The following XKR4 variants were observed in gnomAD, a reference collection of about 807,000 sequenced individuals.
XKR4 encodes XK related 4, also known as XK-related protein 4.
In XKR4, 12 loss-of-function variants were observed where a neutral mutation model predicts 53.9. The observed-to-expected ratio is 0.22, with a 90% CI of 0.14 to 0.36. XKR4 has a LOEUF of 0.36. Ranked by LOEUF, XKR4 falls within the 10% of genes least tolerant of loss-of-function variation. The pLI, the probability that XKR4 is intolerant of heterozygous loss-of-function variation, is 1.00. For missense variants in XKR4, 799 were observed against 859.5 expected (o/e 0.93, Z 0.88); for synonymous variants, 354 against 362.4 (o/e 0.98, Z 0.26).
chr8:55,495,723 G>A (rs572764678), intron 2 of XKR4, among the ~76,000 whole-genome samples: 23 of 152,328 alleles, frequency 1.5e-4, no homozygotes, highest in Admixed American at 2.0e-4. Flanking sequence ...ACCCAGCTGC[G>A]AGAGGTTGGA....
At chr8:55,323,467 C>T (rs551653661) in intron 1 of XKR4, among the ~76,000 whole-genome samples, 1 of 152,232 alleles carries the variant, frequency 6.6e-6, no homozygotes, top group Admixed American at 6.5e-5. Flanking sequence ...TTGAGACAGG[C>T]TTTTTTCACT....
intron 2 of XKR4, among the ~76,000 whole-genome samples, chr8:55,493,497 C>A (rs1417427981): frequency 6.6e-6 from 1 of 152,204 alleles, no homozygotes; most frequent in Non-Finnish European, 1.5e-5. Context: ...AACAAGGAAT[C>A]CCAACTGAGC....
rs766219761 is a variant in XKR4 at position 55,103,049 on chromosome 8, G to A, written c.561G>A (p.Gln187=). Residue 187 remains glutamine, a synonymous_variant, in exon 1 of 3, where the codon CAG becomes CAA. Coordinates refer to ENST00000327381, the MANE Select transcript of XKR4 (RefSeq NM_052898.2). ...ATAAAASSCP[Q]PGADCKTVVG... is the part of the protein sequence containing the mutation. ...CCGCTGCTGCCTCCAGCTGCCCGCA[G>A]CCTGGAGCCGATTGCAAGACGGTGG... 1 of 1,612,660 alleles carries A rather than the reference G, an allele frequency of 6.2e-7. No individual in the cohort carries two copies. The highest frequency in any genetic ancestry group is 8.5e-7 in the Non-Finnish European group (1 of 1,179,774).
intron 2 of XKR4, among the ~76,000 whole-genome samples, chr8:55,393,570 G>T (rs1381588295): frequency 2.0e-5 from 3 of 152,270 alleles, no homozygotes; most frequent in Non-Finnish European, 4.4e-5. Flanking sequence ...TGTTTGGTTT[G>T]AAATCTTAGT....
rs140925053 is a variant in XKR4, at chr8:55,451,152, G to A, written c.1007-72129G>A. On this transcript the variant is annotated intron_variant, in intron 2 of 2. Transcript: ENST00000327381. ...TGCTTGCTGTGGCCACAGGAAGCCCGGGTCGGGGGCCGGGGGACACCCGTT... is the reference window on the plus strand; with the variant it reads ...TGCTTGCTGTGGCCACAGGAAGCCCAGGTCGGGGGCCGGGGGACACCCGTT... The A allele has an allele frequency of 3.0e-3, 1,586 of 524,672 alleles. 21 individuals are homozygous for A. Among genetic ancestry groups the A allele is most frequent in the East Asian group, 0.012 (333 of 27,092 alleles). The allele number at this position is 524,672 out of a possible 1,614,324, so 32.5% of individuals were successfully genotyped here.
At chr8:55,250,796 T>C (rs1180777718) in intron 1 of XKR4, among the ~76,000 whole-genome samples, 1 of 152,218 alleles carries the variant, frequency 6.6e-6, no homozygotes, top group Non-Finnish European at 1.5e-5. Context: ...ACACTTAAAA[T>C]ATACTAGGAA....
chr8:55,312,545 A>C (rs1189102994), intron 1 of XKR4, among the ~76,000 whole-genome samples: 1 of 152,188 alleles, frequency 6.6e-6, no homozygotes, highest in East Asian at 1.9e-4. Context: ...TTAAACAATA[A>C]GTCTCTAAAT....
At chr8:55,523,169 G>C (rs1806824903) in intron 2 of XKR4, 112 bp from the exon 3 acceptor site, 1 of 782,232 alleles carries the variant, frequency 1.3e-6, no homozygotes, top group Non-Finnish European at 2.0e-6. Context: ...GAAATTAAGA[G>C]TCTTTGCTGA....
chr8:55,435,667 T>C (rs374661740), intron 2 of XKR4, among the ~76,000 whole-genome samples: 2 of 146,966 alleles, frequency 1.4e-5, no homozygotes, highest in East Asian at 2.0e-4. Context: ...CCTCCCGGGC[T>C]CAAGCAATGC....
intron 1 of XKR4, among the ~76,000 whole-genome samples, chr8:55,252,849 A>G (rs1285045041): frequency 6.6e-6 from 1 of 152,208 alleles, no homozygotes; most frequent in Non-Finnish European, 1.5e-5. Context: ...GGCAGAAGGA[A>G]TGGCAGAGAA....
intron 1 of XKR4, among the ~76,000 whole-genome samples, chr8:55,224,748 C>A (rs1817930064): frequency 6.6e-6 from 1 of 152,124 alleles, no homozygotes; most frequent in Admixed American, 6.5e-5. Context: ...ACTTTACATT[C>A]TTTTTTCCTA....
intron 1 of XKR4, among the ~76,000 whole-genome samples, chr8:55,319,008 C>A (rs1315578735): frequency 6.6e-6 from 1 of 152,102 alleles, no homozygotes; most frequent in Non-Finnish European, 1.5e-5. Context: ...AGAGAGGTGC[C>A]TCCCATGAAA....
In XKR4 at chr8:55,537,907, A is replaced by G. The variant is rs945673026; in HGVS notation, c.*13680A>G. ...AAATCTTTTTACCTTCATGTTACCA[A>G]CAGGATGTTTAGTTGAATCAGCAAC... On this transcript the variant is annotated 3_prime_UTR_variant, in exon 3 of 3. Coordinates refer to ENST00000327381, the MANE Select transcript of XKR4 (RefSeq NM_052898.2). 23 of 152,140 alleles carry G rather than the reference A, an allele frequency of 1.5e-4. No homozygotes were observed. Among genetic ancestry groups the G allele is most frequent in the African/African-American group, 5.3e-4 (22 of 41,438 alleles). 9.4% of individuals were successfully genotyped at this position (152,140 alleles called of 1,614,324 possible).
intron 2 of XKR4, among the ~76,000 whole-genome samples, chr8:55,360,735 T>G (rs1803890727): frequency 6.6e-6 from 1 of 152,238 alleles, no homozygotes. Flanking sequence ...CTCTCTGCAG[T>G]GCTTTTAAAA....
At chr8:55,360,077 G>C (rs1803877621) in intron 2 of XKR4, among the ~76,000 whole-genome samples, 1 of 152,234 alleles carries the variant, frequency 6.6e-6, no homozygotes, top group Admixed American at 6.5e-5. Context: ...CCAAAAGACA[G>C]GTTGATCCAA....
intron 2 of XKR4, among the ~76,000 whole-genome samples, chr8:55,376,803 G>A (rs1052474680): frequency 2.0e-5 from 3 of 152,054 alleles, no homozygotes; most frequent in African/African-American, 7.2e-5. Flanking sequence ...TCTGCACTGA[G>A]TGCATATCAT....
chr8:55,465,293 A>G (rs960539433), intron 2 of XKR4, among the ~76,000 whole-genome samples: 3 of 152,196 alleles, frequency 2.0e-5, no homozygotes, highest in African/African-American at 2.4e-5. Flanking sequence ...ACAGAGATAT[A>G]GACCAAAGGA....
chr8:55,381,592 C>T (rs1804234116), intron 2 of XKR4, among the ~76,000 whole-genome samples: 3 of 152,134 alleles, frequency 2.0e-5, no homozygotes, highest in Non-Finnish European at 2.9e-5. Context: ...GTGAATTGAC[C>T]TTTCCACTGC....
intron 1 of XKR4, among the ~76,000 whole-genome samples, chr8:55,123,054 G>T (rs1440147236): frequency 6.6e-6 from 1 of 152,138 alleles, no homozygotes; most frequent in East Asian, 1.9e-4. Flanking sequence ...GTGGAACAGG[G>T]TTATTGATTC....
Sources: gnomAD v4.1 joint callset for allele counts (sites outside exome capture counted in the v4.1 genomes callset) on GRCh38, gnomAD v4.1.1 for gene constraint, MANE v1.5 for transcripts, NCBI Gene and HGNC (gene_info 2026-07-23, HGNC 2026-07-21) for gene names.